Variants in FAT3 observed in about 807,000 individuals in gnomAD.
FAT3 encodes protocadherin Fat 3.
A neutral mutation model predicts 310.2 loss-of-function variants in FAT3; 95 were observed. That is an observed-to-expected ratio of 0.31 (90% confidence interval 0.26 to 0.36). The LOEUF is 0.36. Among genes scored for constraint, FAT3 ranks in the 10% least tolerant of loss-of-function variants. The pLI is 1.00. For synonymous variants in FAT3, 2,314 were observed against 2,192.9 expected, an observed-to-expected ratio of 1.06 and a Z score of -1.54; for missense variants, 5,408 against 5,715.6, an observed-to-expected ratio of 0.95 and a Z score of 1.74.
In FAT3 at chr11:92,394,320, C is replaced by A. The variant is rs530373837; in HGVS notation, c.3292+38916C>A. ...CCTGTCTCTATGAAAAGTACAAAAA[C>A]AATTAGCTGAGGGTGGTGGCATGCA... On this transcript the variant is annotated intron_variant, in intron 2 of 27. Coordinates refer to ENST00000525166, the MANE Select transcript of FAT3 (RefSeq NM_001367949.2). Among the ~76,000 whole-genome samples the A allele has an allele frequency of 3.4e-3, 520 of 152,084 alleles. 1 individual carries two copies. The highest frequency in any genetic ancestry group is 6.1e-3 in the Non-Finnish European group (412 of 67,994).
intron 2 of FAT3, among the ~76,000 whole-genome samples, chr11:92,491,550 T>C (rs1300609380): frequency 6.6e-6 from 1 of 152,002 alleles, no homozygotes; most frequent in African/African-American, 2.4e-5. Flanking sequence ...ACAAAGAGTA[T>C]GGCATTTGAA....
chr11:92,753,213 G>T (rs1157867293), intron 4 of FAT3, among the ~76,000 whole-genome samples: 1 of 152,114 alleles, frequency 6.6e-6, no homozygotes, highest in Non-Finnish European at 1.5e-5. Flanking sequence ...CTTCAGGCCA[G>T]TTGCTCTTAG....
At chr11:92,269,706 T>G (rs943705246) in intron 1 of FAT3, among the ~76,000 whole-genome samples, 8 of 152,260 alleles carry the variant, frequency 5.3e-5, no homozygotes, top group African/African-American at 1.9e-4. Context: ...CTAATTTATT[T>G]TTATGTCATG....
At chr11:92,533,692 A>C (rs1954155254) in intron 3 of FAT3, among the ~76,000 whole-genome samples, 1 of 152,186 alleles carries the variant, frequency 6.6e-6, no homozygotes, top group African/African-American at 2.4e-5. Context: ...ACGCAGGGGC[A>C]GCTCACAGGC....
intron 2 of FAT3, among the ~76,000 whole-genome samples, chr11:92,521,815 G>T (rs1953693924): frequency 6.6e-6 from 1 of 152,136 alleles, no homozygotes; most frequent in Non-Finnish European, 1.5e-5. Context: ...AGCACATTAT[G>T]GATCCTCAGT....
chr11:92,428,515 C>T (rs1327219315), intron 2 of FAT3, among the ~76,000 whole-genome samples: 1 of 152,114 alleles, frequency 6.6e-6, no homozygotes, highest in Non-Finnish European at 1.5e-5. Context: ...CTCCTGTGGG[C>T]ATTTAGTGCT....
intron 14 of FAT3, 70 bp downstream of exon 14, chr11:92,832,081 A>G: frequency 6.9e-7 from 1 of 1,454,988 alleles, no homozygotes; most frequent in Non-Finnish European, 9.1e-7. Context: ...CTGTAAACCT[A>G]GCACTTTGGG....
intron 1 of FAT3, among the ~76,000 whole-genome samples, chr11:92,294,933 A>G (rs1037786937): frequency 6.6e-6 from 1 of 152,082 alleles, no homozygotes; most frequent in African/African-American, 2.4e-5. Flanking sequence ...ATCTCTGTCA[A>G]TCCCTACTGA....
intron 4 of FAT3, among the ~76,000 whole-genome samples, chr11:92,740,755 A>C (rs968124872): frequency 3.9e-5 from 6 of 152,210 alleles, no homozygotes; most frequent in Non-Finnish European, 7.3e-5. Context: ...AGAATTTATA[A>C]TGAAAGAGAT....
chr11:92,727,636 G>A (rs985652094), intron 4 of FAT3, among the ~76,000 whole-genome samples: 3 of 152,128 alleles, frequency 2.0e-5, no homozygotes, highest in African/African-American at 2.4e-5. Flanking sequence ...TTGCAGAACC[G>A]ACATAGACCA....
rs756875900 is a variant in FAT3, at chr11:92,890,637, G to A, written c.13294G>A (p.Asp4432Asn). ...LESDYYLGGY[D>N]IDSEYPPPHE... ...GAGCGATTACTACCTGGGTGGTTAT[G>A]ACATTGACAGTGAATACCCACCCCC... The change falls in exon 28 of 28, where the codon GAC becomes AAC. Residue 4432 changes from aspartate to asparagine, a missense_variant. Around this residue, in one of 5 missense-constraint regions of FAT3, gnomAD observed 649 missense variants for 666.2 expected, o/e 0.97. Coordinates refer to ENST00000525166, the MANE Select transcript of FAT3 (RefSeq NM_001367949.2). The A allele has an allele frequency of 1.2e-6, 2 of 1,613,824 alleles. No individual in the cohort carries two copies. The highest frequency in any genetic ancestry group is 2.2e-5 in the South Asian group (2 of 91,044).
chr11:92,354,452 T>G lies in FAT3; in HGVS notation c.2340T>G (p.Thr780=). ...TDSCFNIDME[T]GQLKVLMPMD... Reference sequence around the variant, plus strand: ...GTTGCTTTAATATTGATATGGAGACTGGGCAGCTTAAAGTCCTTATGCCCA... The same window carrying G: ...GTTGCTTTAATATTGATATGGAGACGGGGCAGCTTAAAGTCCTTATGCCCA... The change falls in exon 2 of 28, where the codon ACT becomes ACG. Residue 780 remains threonine, a synonymous_variant. Coordinates refer to ENST00000525166, the MANE Select transcript of FAT3 (RefSeq NM_001367949.2). 1 of 1,613,874 alleles carries G rather than the reference T, an allele frequency of 6.2e-7. No individual in the cohort carries two copies. Among genetic ancestry groups the G allele is most frequent in the South Asian group, 1.1e-5 (1 of 91,084 alleles).
chr11:92,738,062 AC>A (rs1945403648), intron 4 of FAT3, among the ~76,000 whole-genome samples: 2 of 152,138 alleles, frequency 1.3e-5, no homozygotes, highest in African/African-American at 4.8e-5. Context: ...GTTGTGTAAA[AC>A]CTGTGATCTT....
Position 92,790,455 on chromosome 11 carries a change from G to T in FAT3, c.4611+237G>T, listed in dbSNP as rs558268729. ...TTAGATAAGTTCTGCAGCAATGGCT[G>T]CTCAGTAAATGCTCCAAACAGACTG... On this transcript the variant is annotated intron_variant, in intron 8 of 27. Transcript: ENST00000525166. Among the ~76,000 whole-genome samples the T allele has an allele frequency of 7.2e-5, 11 of 152,302 alleles. No individual in the cohort carries two copies. In the South Asian group the frequency reaches 2.3e-3, roughly 32 times the overall value.
At chr11:92,729,255 C>T (rs1412097294) in intron 4 of FAT3, among the ~76,000 whole-genome samples, 13 of 152,082 alleles carry the variant, frequency 8.5e-5, no homozygotes, top group Non-Finnish European at 1.2e-4. Context: ...AAACGCAGAG[C>T]ACTCGATAAA....
chr11:92,521,807 C>A (rs567216148), intron 2 of FAT3, among the ~76,000 whole-genome samples: 1 of 152,138 alleles, frequency 6.6e-6, no homozygotes, highest in South Asian at 2.1e-4. Flanking sequence ...GATCTCACAG[C>A]ACATTATGGA....
At chr11:92,414,566 A>G (rs1202358446) in intron 2 of FAT3, among the ~76,000 whole-genome samples, 1 of 152,160 alleles carries the variant, frequency 6.6e-6, no homozygotes, top group Non-Finnish European at 1.5e-5. Context: ...TTAGTTTTGT[A>G]TTTCTCCACT....
intron 3 of FAT3, among the ~76,000 whole-genome samples, chr11:92,687,064 A>C (rs771241108): frequency 1.3e-5 from 2 of 152,292 alleles, no homozygotes; most frequent in Non-Finnish European, 2.9e-5. Flanking sequence ...CAGATACAAT[A>C]AGGTTTTCCT....
intron 3 of FAT3, among the ~76,000 whole-genome samples, chr11:92,623,691 C>T (rs933785742): frequency 9.9e-5 from 15 of 152,088 alleles, no homozygotes; most frequent in African/African-American, 3.1e-4. Flanking sequence ...TACCTGTAAT[C>T]CCAGCACTTT....
Sources: allele counts gnomAD v4.1 joint callset (sites outside exome capture counted in the v4.1 genomes callset), GRCh38; gene constraint gnomAD v4.1.1; regional missense constraint gnomAD v4.1.1; transcripts MANE v1.5; gene names NCBI Gene and HGNC (gene_info 2026-07-23, HGNC 2026-07-21).